Variants in BAZ1A observed in about 807,000 individuals in gnomAD.
BAZ1A encodes bromodomain adjacent to zinc finger domain protein 1A.
Under a neutral mutation model 185.2 loss-of-function variants are expected in BAZ1A, and 50 were observed. That is an observed-to-expected ratio of 0.27 (90% CI 0.22 to 0.34). BAZ1A has a LOEUF of 0.34. Ranked by LOEUF, BAZ1A falls within the 10% of genes least tolerant of loss-of-function variation. The pLI is 1.00. For missense variants in BAZ1A, 1,356 were observed against 1,839.9 expected (o/e 0.74, Z 4.81); for synonymous variants, 571 against 615.6 (o/e 0.93, Z 1.07).
chr14:34,857,245 A>T (rs2042697741), intron 3 of BAZ1A, among the ~76,000 whole-genome samples: 1 of 151,862 alleles, frequency 6.6e-6, no homozygotes, highest in African/African-American at 2.4e-5. Context: ...TGACCTCATG[A>T]TCTGCCCGCC....
At chr14:34,766,949 T>C (rs1878886282) in intron 21 of BAZ1A, among the ~76,000 whole-genome samples, 1 of 152,198 alleles carries the variant, frequency 6.6e-6, no homozygotes, top group Non-Finnish European at 1.5e-5. Flanking sequence ...GTTTAAAATA[T>C]GAATAACCAG....
At chr14:34,840,525 G>A (rs1424183655) in intron 3 of BAZ1A, among the ~76,000 whole-genome samples, 2 of 152,110 alleles carry the variant, frequency 1.3e-5, no homozygotes, top group Non-Finnish European at 2.9e-5. Flanking sequence ...TTAGGAGGCC[G>A]AGGCAGGTGG....
intron 2 of BAZ1A, among the ~76,000 whole-genome samples, chr14:34,865,884 G>C (rs1018015614): frequency 6.6e-6 from 1 of 152,102 alleles, no homozygotes; most frequent in Non-Finnish European, 1.5e-5. Context: ...TTGGGGGGAA[G>C]TAATGTTAAC....
chr14:34,853,253 T>C lies in BAZ1A; in HGVS notation c.392+8791A>G, dbSNP rs560868778. ...TAGCAGAGAACAAATGTCAGTGCAT[T>C]TGGCAGGCAAGCTAGGTGGTAATCA... On this transcript the variant is annotated intron_variant, in intron 3 of 26. Transcript: ENST00000360310. 1.4e-4 allele frequency among the ~76,000 whole-genome samples: 22 copies of C among 152,322 alleles called. No individual in the cohort carries two copies. The South Asian group carries it at 4.4e-3, about 30-fold the overall frequency.
At chr14:34,762,395 G>GA (rs1280982248) in intron 23 of BAZ1A, among the ~76,000 whole-genome samples, 172 bp from the exon 24 acceptor site, 5 of 152,090 alleles carry the variant, frequency 3.3e-5, no homozygotes, top group African/African-American at 1.2e-4. Context: ...GTTCTCAAGG[G>GA]AATCTAAAAT....
rs1555336946 is a variant in BAZ1A, at chr14:34,759,171, G to GTTTTGTT, written c.4244-326_4244-325insAACAAAA. Reference sequence around the variant, plus strand: ...TTATTAAAAATACTTTACAGCTACAGTTTTTTTTTTTTTTTTTTTTTTTTT... The same window carrying GTTTTGTT: ...TTATTAAAAATACTTTACAGCTACAGTTTTGTTTTTTTTTTTTTTTTTTTTTTTTTTT... On this transcript the variant is annotated intron_variant, in intron 24 of 26. Transcript: ENST00000360310. Among the ~76,000 whole-genome samples the GTTTTGTT allele has an allele frequency of 9.5e-4, 63 of 66,478 alleles. 3 individuals carry two copies. The highest frequency in any genetic ancestry group is 3.9e-3 in the African/African-American group (61 of 15,678). The allele number at this position is 66,478 out of a possible 152,430, so 43.6% of individuals were successfully genotyped here. A position where few individuals can be genotyped will look rare whatever the true frequency, so the allele number is the denominator to read the frequency against.
In BAZ1A at chr14:34,785,791, T is replaced by C. The variant is rs1452402404; in HGVS notation, c.1817A>G (p.Tyr606Cys). 1.9e-6 allele frequency: 3 copies of C among 1,613,808 alleles called. No individual in the cohort carries two copies. Among genetic ancestry groups the C allele is most frequent in the African/African-American group, 1.3e-5 (1 of 74,930 alleles). ...LVKKLSSTSV[Y>C]DLTPGEKMKI... Reference sequence around the variant, plus strand: ...GCAAAGCTTACCTGGTGTCAAATCATACACTGAGGTGCTTGACAGTTTCTT... The same window carrying C: ...GCAAAGCTTACCTGGTGTCAAATCACACACTGAGGTGCTTGACAGTTTCTT... Residue 606 changes from tyrosine (Y) to cysteine (C), a missense_variant, in exon 14 of 27, where the codon TAT (tyrosine) becomes TGT (cysteine). Physicochemically the swap from Tyr to Cys is radical, Grantham distance 194. This residue lies in a region of BAZ1A where 184 missense variants were observed against 355.1 expected (regional missense o/e 0.52). Transcript: ENST00000360310.
chr14:34,809,984 G>T (rs1287354671), intron 5 of BAZ1A, among the ~76,000 whole-genome samples: 1 of 152,084 alleles, frequency 6.6e-6, no homozygotes, highest in Non-Finnish European at 1.5e-5. Flanking sequence ...ATGCTCTAGA[G>T]ATCTTAAACT....
intron 4 of BAZ1A, among the ~76,000 whole-genome samples, chr14:34,819,013 C>A (rs1231137670): frequency 1.3e-5 from 2 of 151,412 alleles, no homozygotes; most frequent in Admixed American, 6.6e-5. Flanking sequence ...TGGTGGCAGG[C>A]GCCTGTAGTC....
At chr14:34,836,677 G>T (rs1193815786) in intron 3 of BAZ1A, among the ~76,000 whole-genome samples, 1 of 151,716 alleles carries the variant, frequency 6.6e-6, no homozygotes, top group African/African-American at 2.4e-5. Context: ...TACTATGCTT[G>T]GACAATTAAG....
chr14:34,807,542 C>T lies in BAZ1A; in HGVS notation c.639-4G>A. 1 of 1,609,724 alleles carries T rather than the reference C, an allele frequency of 6.2e-7. No individual in the cohort carries two copies. The highest frequency in any genetic ancestry group is 8.5e-7 in the Non-Finnish European group (1 of 1,177,088). On this transcript the variant is annotated splice_polypyrimidine_tract_variant and splice_region_variant and intron_variant, in intron 5 of 26. Transcript: ENST00000360310. ...AGAAAATAGGTGTTTTCTCCGGCTACAGGAGGCAAGGAAGTCAAAGAGGGG... is the reference window on the plus strand; with the variant it reads ...AGAAAATAGGTGTTTTCTCCGGCTATAGGAGGCAAGGAAGTCAAAGAGGGG...
intron 5 of BAZ1A, among the ~76,000 whole-genome samples, chr14:34,808,069 C>G (rs1298119037): frequency 6.6e-6 from 1 of 151,762 alleles, no homozygotes; most frequent in African/African-American, 2.4e-5. Context: ...GCACTCCAGC[C>G]TGGGCGACAG....
chr14:34,787,878 A>G lies in BAZ1A; in HGVS notation c.1511-1657T>C, dbSNP rs780696263. On this transcript the variant is annotated intron_variant, in intron 12 of 26. Transcript: ENST00000360310. ...AATACATAGATTGATCAAAATGTCA[A>G]GCTATGAAAAACCCTTCTGTTATAT... Among the ~76,000 whole-genome samples, 71 of 152,224 alleles carry G rather than the reference A, an allele frequency of 4.7e-4. 1 individual carries two copies. Among genetic ancestry groups the G allele is most frequent in the Admixed American group, 1.3e-4 (2 of 15,286 alleles).
intron 10 of BAZ1A, 75 bp downstream of exon 10, chr14:34,795,592 TAAG>T: frequency 1.0e-6 from 1 of 966,046 alleles, no homozygotes; most frequent in Admixed American, 2.8e-5. Flanking sequence ...TGCTATTAAA[TAAG>T]AATGATTTCA....
intron 2 of BAZ1A, among the ~76,000 whole-genome samples, chr14:34,864,692 G>C (rs555567159): frequency 6.7e-6 from 1 of 149,704 alleles, no homozygotes; most frequent in Admixed American, 6.7e-5. Flanking sequence ...TGTTGGTCTC[G>C]AACTCCTGAC....
Position 34,776,099 on chromosome 14 carries a change from G to C in BAZ1A, c.2653C>G (p.Pro885Ala), listed in dbSNP as rs1225265664. 4 of 1,614,178 alleles carry C rather than the reference G, an allele frequency of 2.5e-6. No homozygotes were observed. The highest frequency in any genetic ancestry group is 3.4e-6 in the Non-Finnish European group (4 of 1,180,020). ...PRDHSVQLPK[P>A]VHKPNRWCFY... Reference sequence around the variant, plus strand: ...CACCACCGATTTGGCTTATGCACTGGTTTTGGCAGCTGCACAGAATGGTCA... The same window carrying C: ...CACCACCGATTTGGCTTATGCACTGCTTTTGGCAGCTGCACAGAATGGTCA... Residue 885 changes from proline (P) to alanine (A), a missense_variant, in exon 18 of 27, where the codon CCA becomes GCA. This residue lies in a region of BAZ1A where 434 missense variants were observed against 561.7 expected (regional missense o/e 0.77). Coordinates refer to ENST00000360310, the MANE Select transcript of BAZ1A (RefSeq NM_013448.3).
intron 4 of BAZ1A, among the ~76,000 whole-genome samples, chr14:34,823,990 C>T (rs1453199345): frequency 6.6e-6 from 1 of 152,040 alleles, no homozygotes; most frequent in East Asian, 1.9e-4. Flanking sequence ...ACATTTACTA[C>T]TATAAATCCC....
chr14:34,771,299 G>T, intron 21 of BAZ1A: 1 of 498,148 alleles, frequency 2.0e-6, no homozygotes, highest in Admixed American at 3.7e-5. Flanking sequence ...GTGCCTAGCT[G>T]GTAATCTTTC....
rs888841418 is a variant in BAZ1A, at chr14:34,864,672, G to A, written c.114-2350C>T. Among the ~76,000 whole-genome samples, 8 of 148,494 alleles carry A rather than the reference G, an allele frequency of 5.4e-5. No individual in the cohort carries two copies. The South Asian group carries it at 1.5e-3, about 28-fold the overall frequency. On this transcript the variant is annotated intron_variant, in intron 2 of 26. Transcript: ENST00000360310. ...ATTTTTGTATTTTTAGTAGAGACGGGGTTTCACCATGTTGGTCTCGAACTC... is the reference window on the plus strand; with the variant it reads ...ATTTTTGTATTTTTAGTAGAGACGGAGTTTCACCATGTTGGTCTCGAACTC...
Sources: gnomAD v4.1 joint callset for allele counts (sites outside exome capture counted in the v4.1 genomes callset) on GRCh38, gnomAD v4.1.1 for gene constraint, gnomAD v4.1.1 regional missense constraint, MANE v1.5 for transcripts, NCBI Gene and HGNC (gene_info 2026-07-23, HGNC 2026-07-21) for gene names.